The following COLQ variants were observed in gnomAD, a reference collection of about 807,000 sequenced individuals.
COLQ encodes acetylcholinesterase collagenic tail peptide.
COLQ carries 48 observed loss-of-function variants against 69.0 expected under a neutral mutation model. The observed-to-expected ratio is 0.70, with a 90% CI of 0.55 to 0.88. COLQ has a LOEUF of 0.88. Among genes scored for constraint, COLQ ranks in the 40% least tolerant of loss-of-function variants. COLQ has a pLI of 0.00. For synonymous variants in COLQ, 217 were observed against 211.2 expected, an observed-to-expected ratio of 1.03 and a Z score of -0.24; for missense variants, 618 against 594.6, an observed-to-expected ratio of 1.04 and a Z score of -0.41.
Position 15,489,525 on chromosome 3 carries a change from C to A in COLQ, c.219G>T (p.Pro73=). The A allele has an allele frequency of 1.3e-5, 21 of 1,614,072 alleles. No individual in the cohort carries two copies. Among genetic ancestry groups the A allele is most frequent in the Non-Finnish European group, 1.8e-5 (21 of 1,179,944 alleles). Residue 73 remains proline, a splice_region_variant and synonymous_variant, in exon 2 of 17, where the codon CCG becomes CCT. Transcript: ENST00000383788. The part of the protein sequence containing the change: ...PPPFFRGGRS[P]LLSPDMKNLM... The stretch of plus-strand genomic sequence containing the variant: ...CTCTCATAAATCCCAAAGTACTCAC[C>A]GGACTTCGGCCACCTCTGAAGAATG...
intron 10 of COLQ, among the ~76,000 whole-genome samples, chr3:15,471,411 C>G (rs1286313053): frequency 6.6e-6 from 1 of 152,254 alleles, no homozygotes; most frequent in African/African-American, 2.4e-5. Flanking sequence ...TAGTTTCTCT[C>G]CTTCTTCCCC....
intron 1 of COLQ, among the ~76,000 whole-genome samples, chr3:15,518,774 G>A (rs1420545343): frequency 6.6e-6 from 1 of 152,180 alleles, no homozygotes; most frequent in African/African-American, 2.4e-5. Flanking sequence ...TTCAAAAGCA[G>A]GTGATCATGG....
chr3:15,492,592 G>A (rs2062686819), intron 1 of COLQ, among the ~76,000 whole-genome samples: 2 of 152,000 alleles, frequency 1.3e-5, no homozygotes, highest in South Asian at 4.2e-4. Flanking sequence ...GCGTGAACCC[G>A]GGAGGCGGAG....
At chr3:15,514,589 C>A (rs765763386) in intron 1 of COLQ, among the ~76,000 whole-genome samples, 1 of 152,120 alleles carries the variant, frequency 6.6e-6, no homozygotes, top group Non-Finnish European at 1.5e-5. Context: ...TTTGTCTAAC[C>A]AGGGCTGGGA....
intron 3 of COLQ, 84 bp downstream of exon 3, chr3:15,488,122 G>C: frequency 1.0e-6 from 1 of 978,214 alleles, no homozygotes; most frequent in South Asian, 1.4e-5. Context: ...ACATGAGAAA[G>C]AGCAGACACT....
intron 3 of COLQ, among the ~76,000 whole-genome samples, chr3:15,487,733 G>A (rs1429952152): frequency 1.3e-5 from 2 of 152,180 alleles, no homozygotes; most frequent in Non-Finnish European, 2.9e-5. Flanking sequence ...TTCCCCTTTA[G>A]CTTTGGTGGG....
At chr3:15,499,070 A>C (rs1262908309) in intron 1 of COLQ, among the ~76,000 whole-genome samples, 1 of 150,674 alleles carries the variant, frequency 6.6e-6, no homozygotes, top group Non-Finnish European at 1.5e-5. Flanking sequence ...TGCTTCAGGG[A>C]AGACCTTCAT....
At chr3:15,483,379 T>C (rs558340243) in intron 3 of COLQ, among the ~76,000 whole-genome samples, 5 of 152,360 alleles carry the variant, frequency 3.3e-5, no homozygotes, top group Non-Finnish European at 5.9e-5. Context: ...TACACACTGC[T>C]TTAAATGTGT....
At chr3:15,496,549 A>T (rs1201162744) in intron 1 of COLQ, among the ~76,000 whole-genome samples, 1 of 152,190 alleles carries the variant, frequency 6.6e-6, no homozygotes, top group South Asian at 2.1e-4. Flanking sequence ...TTGTATTGAA[A>T]GCAATCCTGT....
In COLQ at chr3:15,488,639, T is replaced by C. The variant is rs2062616932; in HGVS notation, c.220-332A>G. ...CGTGAGGCACCAATAAGAGCAACACTGTAATTTTAAATTGTCTAGTAGTCA... is the reference window on the plus strand; with the variant it reads ...CGTGAGGCACCAATAAGAGCAACACCGTAATTTTAAATTGTCTAGTAGTCA... On this transcript the variant is annotated intron_variant, in intron 2 of 16. Coordinates refer to ENST00000383788, the MANE Select transcript of COLQ (RefSeq NM_005677.4). Among the ~76,000 whole-genome samples the C allele has an allele frequency of 2.0e-5, 3 of 152,216 alleles. No individual in the cohort carries two copies. The South Asian group carries it at 6.2e-4, about 31-fold the overall frequency.
At chr3:15,466,961 C>T (rs2062209413) in intron 11 of COLQ, among the ~76,000 whole-genome samples, 1 of 152,260 alleles carries the variant, frequency 6.6e-6, no homozygotes, top group South Asian at 2.1e-4. Context: ...GTCACTCACC[C>T]TTTGGCTCTC....
chr3:15,469,875 T>C (rs556304390), intron 11 of COLQ, among the ~76,000 whole-genome samples: 1 of 152,286 alleles, frequency 6.6e-6, no homozygotes, highest in South Asian at 2.1e-4. Context: ...GCCACAGATA[T>C]AGCCTAAGGA....
chr3:15,517,059 T>C (rs564287837), intron 1 of COLQ, among the ~76,000 whole-genome samples: 6 of 152,066 alleles, frequency 3.9e-5, no homozygotes, highest in Non-Finnish European at 8.8e-5. Context: ...TGACAATCGC[T>C]TGAACCTGGA....
intron 1 of COLQ, among the ~76,000 whole-genome samples, chr3:15,505,171 C>G (rs887655205): frequency 1.1e-4 from 16 of 152,186 alleles, no homozygotes; most frequent in African/African-American, 3.9e-4. Flanking sequence ...TGGAGCTGCA[C>G]AGAGCTAAGG....
intron 11 of COLQ, among the ~76,000 whole-genome samples, chr3:15,467,469 T>C (rs1336111671): frequency 6.6e-6 from 1 of 152,222 alleles, no homozygotes; most frequent in African/African-American, 2.4e-5. Context: ...CTGTTTCACG[T>C]AGTTAAGTCT....
At chr3:15,455,788 C>T (rs1344795650) in intron 15 of COLQ, 111 bp downstream of exon 15, 33 of 1,468,644 alleles carry the variant, frequency 2.2e-5, no homozygotes, top group Non-Finnish European at 2.8e-5. Flanking sequence ...GTATACCCTT[C>T]TCTGGCTCTA....
chr3:15,499,074 C>A (rs2062795062), intron 1 of COLQ, among the ~76,000 whole-genome samples: 1 of 150,334 alleles, frequency 6.7e-6, no homozygotes, highest in East Asian at 2.0e-4. Flanking sequence ...TCAGGGAAGA[C>A]CTTCATGGCC....
At chr3:15,504,751 T>C (rs2062882685) in intron 1 of COLQ, among the ~76,000 whole-genome samples, 1 of 152,108 alleles carries the variant, frequency 6.6e-6, no homozygotes, top group Non-Finnish European at 1.5e-5. Context: ...TCCCAGCTAC[T>C]TGGGAGGCTG....
intron 11 of COLQ, among the ~76,000 whole-genome samples, chr3:15,469,014 G>T (rs570950363): frequency 1.3e-5 from 2 of 152,252 alleles, no homozygotes; most frequent in South Asian, 2.1e-4. Flanking sequence ...AGACTATGCT[G>T]GGAGATTAAT....
Sources: allele counts gnomAD v4.1 joint callset (sites outside exome capture counted in the v4.1 genomes callset), GRCh38; gene constraint gnomAD v4.1.1; transcripts MANE v1.5; gene names NCBI Gene and HGNC (gene_info 2026-07-23, HGNC 2026-07-21).